The following CREB5 variants were observed in gnomAD, a reference collection of about 807,000 sequenced individuals.
The protein encoded by CREB5 is cAMP responsive element binding protein 5.
A neutral mutation model predicts 57.1 loss-of-function variants in CREB5; 19 were observed. The ratio of observed to expected loss-of-function variants is 0.33; its 90% CI spans 0.23 to 0.49. CREB5 has a LOEUF of 0.49. Among genes scored for constraint, CREB5 ranks in the 20% least tolerant of loss-of-function variants. The probability of loss-of-function intolerance (pLI) is 0.99; values close to 1 mark genes in which losing one functional copy is unlikely to be tolerated. For synonymous variants in CREB5, 238 were observed against 238.3 expected (o/e 1.00, Z 0.01); for missense variants, 579 against 671.6 (o/e 0.86, Z 1.52).
chr7:28,351,363 A>T (rs1033658083), intron 1 of CREB5, among the ~76,000 whole-genome samples: 1 of 152,186 alleles, frequency 6.6e-6, no homozygotes, highest in Non-Finnish European at 1.5e-5. Flanking sequence ...CAGGACACAC[A>T]CCCAGTGCTT....
At chr7:28,560,855 T>TGTGCGTGC (rs1173366075) in intron 4 of CREB5, among the ~76,000 whole-genome samples, 2 of 56,388 alleles carry the variant, frequency 3.5e-5, no homozygotes, top group Non-Finnish European at 7.0e-5. Flanking sequence ...CGCGTGTGTG[T>TGTGCGTGC]GTGCGTGTGC....
intron 2 of CREB5, among the ~76,000 whole-genome samples, chr7:28,490,451 C>T (rs1050939380): frequency 6.6e-6 from 1 of 152,162 alleles, no homozygotes; most frequent in African/African-American, 2.4e-5. Flanking sequence ...CAGCAACCTC[C>T]AGGGTTGTGT....
intron 4 of CREB5, among the ~76,000 whole-genome samples, chr7:28,568,275 G>C (rs1384199862): frequency 6.6e-6 from 1 of 152,132 alleles, no homozygotes; most frequent in South Asian, 2.1e-4. Context: ...AAATTAAATT[G>C]TACAGCATCA....
intron 5 of CREB5, among the ~76,000 whole-genome samples, chr7:28,655,935 C>T (rs543557316): frequency 1.4e-4 from 22 of 152,180 alleles, no homozygotes; most frequent in Non-Finnish European, 2.5e-4. Context: ...TTTAATTAAT[C>T]CCCATCAAGG....
chr7:28,362,678 T>A (rs1786510201), intron 1 of CREB5, among the ~76,000 whole-genome samples: 1 of 152,252 alleles, frequency 6.6e-6, no homozygotes, highest in Non-Finnish European at 1.5e-5. Flanking sequence ...AATTAATAGG[T>A]ATTTGTAAAA....
At chr7:28,479,993 T>G (rs568994293) in intron 1 of CREB5, among the ~76,000 whole-genome samples, 1 of 146,060 alleles carries the variant, frequency 6.8e-6, no homozygotes, top group Admixed American at 7.0e-5. Flanking sequence ...GCTGAAGATA[T>G]AGATACTTAT....
chr7:28,378,102 A>G (rs996653866), intron 1 of CREB5, among the ~76,000 whole-genome samples: 19 of 152,202 alleles, frequency 1.2e-4, no homozygotes, highest in African/African-American at 4.6e-4. Context: ...ACTTAGGGTT[A>G]GTGAACACTG....
intron 5 of CREB5, among the ~76,000 whole-genome samples, chr7:28,621,740 T>C (rs1797800358): frequency 6.6e-6 from 1 of 152,218 alleles, no homozygotes; most frequent in Admixed American, 6.5e-5. Flanking sequence ...ACAAGTGTTC[T>C]GTGTGACCCT....
At chr7:28,315,307 C>T (rs551709693) in intron 1 of CREB5, among the ~76,000 whole-genome samples, 44 of 152,350 alleles carry the variant, frequency 2.9e-4, no homozygotes, top group African/African-American at 1.1e-3. Context: ...AAACAGACTT[C>T]TGACCAGCCA....
At chr7:28,605,760 G>GA (rs1300868038) in intron 5 of CREB5, among the ~76,000 whole-genome samples, 1 of 135,792 alleles carries the variant, frequency 7.4e-6, no homozygotes, top group Non-Finnish European at 1.6e-5. Flanking sequence ...ACAAAATTGA[G>GA]ATCAGACAAG....
chr7:28,394,267 A>G (rs1481796488), intron 1 of CREB5, among the ~76,000 whole-genome samples: 1 of 152,062 alleles, frequency 6.6e-6, no homozygotes, highest in Non-Finnish European at 1.5e-5. Context: ...AGTAGAAAGC[A>G]AACAAAGAAA....
intron 5 of CREB5, among the ~76,000 whole-genome samples, chr7:28,666,740 T>C (rs191333890): frequency 1.0e-3 from 158 of 151,798 alleles, no homozygotes; most frequent in Middle Eastern, 6.8e-3. Flanking sequence ...GGCAGGGGGA[T>C]CAGGATCACC....
chr7:28,819,052 A>G, intron 10 of CREB5, 64 bp from the exon 11 acceptor site: 4 of 1,531,366 alleles, frequency 2.6e-6, no homozygotes, highest in Non-Finnish European at 3.5e-6. Flanking sequence ...CCACAAGTCC[A>G]TACAAAAAAG....
chr7:28,517,584 C>G (rs1793027317), intron 4 of CREB5, among the ~76,000 whole-genome samples: 1 of 152,162 alleles, frequency 6.6e-6, no homozygotes, highest in African/African-American at 2.4e-5. Context: ...TTACTGGTAC[C>G]TATGTTCATG....
chr7:28,346,941 CCA>C (rs1786069806), intron 1 of CREB5, among the ~76,000 whole-genome samples: 1 of 152,034 alleles, frequency 6.6e-6, no homozygotes, highest in African/African-American at 2.4e-5. Context: ...ATATTAAGTA[CCA>C]CTGGGTTGGC....
intron 1 of CREB5, among the ~76,000 whole-genome samples, chr7:28,387,608 A>G (rs1475898321): frequency 1.3e-5 from 2 of 152,048 alleles, no homozygotes; most frequent in Non-Finnish European, 2.9e-5. Context: ...CATGTGAAAG[A>G]GCAACACACG....
At chr7:28,542,482 A>G (rs961607646) in intron 4 of CREB5, among the ~76,000 whole-genome samples, 2 of 152,200 alleles carry the variant, frequency 1.3e-5, no homozygotes, top group African/African-American at 4.8e-5. Flanking sequence ...ATCTATGAAC[A>G]ACTCTGTTAA....
intron 7 of CREB5, among the ~76,000 whole-genome samples, chr7:28,786,414 T>C (rs1217550158): frequency 6.6e-6 from 1 of 152,046 alleles, no homozygotes; most frequent in African/African-American, 2.4e-5. Context: ...ACCTGGCTGA[T>C]TTTTTGGTAT....
intron 5 of CREB5, among the ~76,000 whole-genome samples, chr7:28,633,883 A>AT (rs1230920056): frequency 2.6e-5 from 4 of 152,228 alleles, no homozygotes; most frequent in Non-Finnish European, 5.9e-5. Flanking sequence ...CACAGAATTC[A>AT]TGCTGCCTAT....
Sources: gnomAD v4.1 joint callset for allele counts (sites outside exome capture counted in the v4.1 genomes callset) on GRCh38, gnomAD v4.1.1 for gene constraint, MANE v1.5 for transcripts, NCBI Gene and HGNC (gene_info 2026-07-23, HGNC 2026-07-21) for gene names.